The following SPIDR variants were observed in gnomAD, a reference collection of about 807,000 sequenced individuals.
SPIDR encodes scaffold protein involved in DNA repair, also known as DNA repair-scaffolding protein.
SPIDR carries 93 observed loss-of-function variants against 104.6 expected under a neutral mutation model. That is an observed-to-expected ratio of 0.89 (90% CI 0.75 to 1.06). The LOEUF is 1.06. Among genes scored for constraint, SPIDR ranks in the 50% least tolerant of loss-of-function variants. The probability of loss-of-function intolerance (pLI) is 0.00; values close to 1 mark genes in which losing one functional copy is unlikely to be tolerated. For missense variants in SPIDR, 1,154 were observed against 1,111.2 expected (o/e 1.04, Z -0.55); for synonymous variants, 431 against 416.9 (o/e 1.03, Z -0.41).
rs1392282165 is a variant in SPIDR, at chr8:47,554,503, C to G, written c.1098-41308C>G. 2.0e-5 allele frequency among the ~76,000 whole-genome samples: 3 copies of G among 152,216 alleles called. No individual in the cohort carries two copies. The East Asian group carries it at 5.8e-4, about 29-fold the overall frequency. ...CGCCTTGCAGTTCGATCTCAGACTG[C>G]TGTGCTAGCATTGAGCTAGGCTCCG... On this transcript the variant is annotated intron_variant, in intron 8 of 19. Coordinates refer to ENST00000297423, the MANE Select transcript of SPIDR (RefSeq NM_001080394.4).
intron 8 of SPIDR, among the ~76,000 whole-genome samples, chr8:47,513,521 C>T (rs1181682698): frequency 6.6e-6 from 1 of 152,196 alleles, no homozygotes; most frequent in African/African-American, 2.4e-5. Flanking sequence ...AACAACAGTT[C>T]TCCAGTTTAG....
Position 47,655,442 on chromosome 8 carries a change from T to C in SPIDR, c.1545-18359T>C, listed in dbSNP as rs551973983. The stretch of plus-strand genomic sequence containing the variant: ...CTAACTAGTGTGAGATGGTATCTCA[T>C]TGTGGTTTTGATTTGTATTTCTCTG... On this transcript the variant is annotated intron_variant, in intron 10 of 19. Transcript: ENST00000297423. 9.6e-4 allele frequency among the ~76,000 whole-genome samples: 147 copies of C among 152,338 alleles called. 1 individual carries two copies. In the Middle Eastern group the frequency reaches 0.017, roughly 18 times the overall value.
intron 5 of SPIDR, among the ~76,000 whole-genome samples, chr8:47,300,059 T>C (rs954457186): frequency 2.3e-3 from 350 of 152,290 alleles, no homozygotes; most frequent in African/African-American, 7.7e-3. Context: ...TGGTAGAATT[T>C]GGCTGTGAAT....
At chr8:47,567,780 C>CTTTTTTTTTTTTT (rs35199139) in intron 8 of SPIDR, among the ~76,000 whole-genome samples, 5 of 71,000 alleles carry the variant, frequency 7.0e-5, no homozygotes, top group African/African-American at 1.2e-4. Flanking sequence ...TTTTCTTTTT[C>CTTTTTTTTTTTTT]TTTTTTTTTT....
intron 5 of SPIDR, among the ~76,000 whole-genome samples, chr8:47,338,876 G>C (rs1199997958): frequency 4.6e-5 from 7 of 152,130 alleles, no homozygotes; most frequent in African/African-American, 1.7e-4. Context: ...AGCTGTTGTG[G>C]GGGGGTCAGC....
intron 5 of SPIDR, among the ~76,000 whole-genome samples, chr8:47,337,607 TTGC>T (rs2050006480): frequency 6.6e-6 from 1 of 151,978 alleles, no homozygotes; most frequent in South Asian, 2.1e-4. Context: ...ATGTTTTTGG[TTGC>T]TGCTGCTTTT....
chr8:47,662,327 G>A (rs529742838), intron 10 of SPIDR, among the ~76,000 whole-genome samples: 11 of 152,280 alleles, frequency 7.2e-5, no homozygotes, highest in African/African-American at 2.2e-4. Context: ...TAGTGCTACC[G>A]GGGTTGCAAG....
chr8:47,391,718 C>T (rs1035308571), intron 5 of SPIDR, among the ~76,000 whole-genome samples: 23 of 152,052 alleles, frequency 1.5e-4, no homozygotes, highest in East Asian at 1.4e-3. Context: ...GAAAAAAGGC[C>T]GGGCGTGGTG....
At chr8:47,729,722 T>A in intron 19 of SPIDR, 1 of 495,874 alleles carries the variant, frequency 2.0e-6, no homozygotes, top group South Asian at 2.9e-5. Flanking sequence ...TTTTTGTTTG[T>A]TTTTGTTTTT....
chr8:47,642,734 C>T (rs1187493010), intron 10 of SPIDR, among the ~76,000 whole-genome samples: 36 of 152,046 alleles, frequency 2.4e-4, no homozygotes, highest in Admixed American at 2.4e-3. Flanking sequence ...CAAAGTGAGA[C>T]CCCGTCTCTA....
At chr8:47,693,259 T>C (rs2078919142) in intron 11 of SPIDR, among the ~76,000 whole-genome samples, 1 of 152,258 alleles carries the variant, frequency 6.6e-6, no homozygotes, top group African/African-American at 2.4e-5. Flanking sequence ...TTTTACTCCT[T>C]AATTATATAC....
rs564192281 is a variant in SPIDR, at chr8:47,586,643, A to G, written c.1098-9168A>G. ...TTCTAAATACTAGTCCTTTCTTGGT[A>G]TGTGGTTTGAAATTGAAATGATTTT... On this transcript the variant is annotated intron_variant, in intron 8 of 19. Transcript: ENST00000297423. Among the ~76,000 whole-genome samples the G allele has an allele frequency of 2.8e-3, 419 of 152,180 alleles. 1 individual carries two copies. The highest frequency in any genetic ancestry group is 9.8e-3 in the African/African-American group (408 of 41,506).
chr8:47,725,964 A>T (rs551071566), intron 16 of SPIDR, among the ~76,000 whole-genome samples: 19 of 152,368 alleles, frequency 1.2e-4, no homozygotes, highest in African/African-American at 4.6e-4. Context: ...TAAACCAGTG[A>T]GTGGGCCTTT....
chr8:47,715,565 C>A (rs1175756695), intron 16 of SPIDR, among the ~76,000 whole-genome samples: 2 of 152,170 alleles, frequency 1.3e-5, no homozygotes, highest in Non-Finnish European at 2.9e-5. Flanking sequence ...ATGGAAAGAG[C>A]CGTGATTACT....
chr8:47,432,405 C>G (rs1331663007), intron 7 of SPIDR, among the ~76,000 whole-genome samples: 2 of 152,090 alleles, frequency 1.3e-5, no homozygotes, highest in Admixed American at 6.6e-5. Context: ...GGAGATGGGT[C>G]AGGAGCATCA....
intron 8 of SPIDR, among the ~76,000 whole-genome samples, chr8:47,450,195 G>A (rs2071444799): frequency 6.6e-6 from 1 of 152,020 alleles, no homozygotes; most frequent in Admixed American, 6.6e-5. Context: ...TTGTCTTATG[G>A]TTCTAGAAGC....
chr8:47,371,262 G>GA (rs1563768550), intron 5 of SPIDR, among the ~76,000 whole-genome samples: 1 of 151,240 alleles, frequency 6.6e-6, no homozygotes, highest in Non-Finnish European at 1.5e-5. Flanking sequence ...AAAGAAGTTT[G>GA]AAAAAAAATT....
intron 5 of SPIDR, among the ~76,000 whole-genome samples, chr8:47,361,929 T>C (rs1331646672): frequency 6.6e-6 from 1 of 152,222 alleles, no homozygotes; most frequent in Non-Finnish European, 1.5e-5. Context: ...GCTCCCAGAC[T>C]GCCTTTTGGT....
intron 5 of SPIDR, among the ~76,000 whole-genome samples, chr8:47,350,222 A>G (rs376940218): frequency 5.9e-5 from 9 of 152,372 alleles, no homozygotes; most frequent in African/African-American, 2.2e-4. Context: ...GATTCCCAAG[A>G]AAATGCTCTG....
Sources: allele counts gnomAD v4.1 joint callset (sites outside exome capture counted in the v4.1 genomes callset), GRCh38; gene constraint gnomAD v4.1.1; transcripts MANE v1.5; gene names NCBI Gene and HGNC (gene_info 2026-07-23, HGNC 2026-07-21).